Variants in MB21D2 observed in about 807,000 individuals in gnomAD.
The protein encoded by MB21D2 is Mab-21 domain containing 2.
MB21D2 carries 9 observed loss-of-function variants against 33.3 expected under a neutral mutation model. The observed-to-expected ratio is 0.27, with a 90% confidence interval of 0.16 to 0.47. The LOEUF (loss-of-function observed/expected upper bound fraction) is 0.47, where lower values mean the gene tolerates loss of function less well. Among genes scored for constraint, MB21D2 ranks in the 20% least tolerant of loss-of-function variants. MB21D2 has a pLI of 0.99. For missense variants in MB21D2, 540 were observed against 624.6 expected, an observed-to-expected ratio of 0.86 and a Z score of 1.44; for synonymous variants, 241 against 236.3, an observed-to-expected ratio of 1.02 and a Z score of -0.18.
intron 1 of MB21D2, among the ~76,000 whole-genome samples, chr3:192,834,547 T>G (rs1560234610): frequency 6.6e-6 from 1 of 152,088 alleles, no homozygotes; most frequent in Non-Finnish European, 1.5e-5. Flanking sequence ...GGGCCACTCC[T>G]TTTTGTGTCT....
At chr3:192,849,186 C>T (rs1712733711) in intron 1 of MB21D2, among the ~76,000 whole-genome samples, 1 of 152,208 alleles carries the variant, frequency 6.6e-6, no homozygotes, top group Non-Finnish European at 1.5e-5. Context: ...TCCGTGCTCC[C>T]ATGCTCACAC....
intron 1 of MB21D2, among the ~76,000 whole-genome samples, chr3:192,886,945 A>T (rs1173112752): frequency 6.6e-6 from 1 of 152,058 alleles, no homozygotes; most frequent in Non-Finnish European, 1.5e-5. Context: ...ACTGGAAATT[A>T]CAAAGTCTTC....
At chr3:192,899,877 C>T (rs1414369581) in intron 1 of MB21D2, among the ~76,000 whole-genome samples, 1 of 67,362 alleles carries the variant, frequency 1.5e-5, no homozygotes, top group Non-Finnish European at 3.3e-5. Context: ...GATAAATTCA[C>T]TTTAAACACT....
intron 1 of MB21D2, among the ~76,000 whole-genome samples, chr3:192,873,627 C>T (rs1450611623): frequency 6.6e-6 from 1 of 152,186 alleles, no homozygotes; most frequent in Non-Finnish European, 1.5e-5. Context: ...CCCTCCTCTA[C>T]CACTCTTTGA....
chr3:192,809,243 G>A (rs1406695579), intron 1 of MB21D2, among the ~76,000 whole-genome samples: 3 of 152,090 alleles, frequency 2.0e-5, no homozygotes, highest in Admixed American at 6.5e-5. Flanking sequence ...CTACAGGCAC[G>A]CATCACCACA....
At chr3:192,836,404 C>T (rs953293608) in intron 1 of MB21D2, among the ~76,000 whole-genome samples, 3 of 152,232 alleles carry the variant, frequency 2.0e-5, no homozygotes, top group African/African-American at 7.2e-5. Context: ...ATGTTGAAGC[C>T]CTAACTCCCA....
At chr3:192,846,495 AATGTGTTCAC>A (rs1161621478) in intron 1 of MB21D2, among the ~76,000 whole-genome samples, 7 of 152,158 alleles carry the variant, frequency 4.6e-5, no homozygotes, top group Admixed American at 6.6e-5. Context: ...CCCTTGGCTC[AATGTGTTCAC>A]ATGTACATAA....
chr3:192,861,595 T>C (rs1056185832), intron 1 of MB21D2, among the ~76,000 whole-genome samples: 7 of 152,054 alleles, frequency 4.6e-5, no homozygotes, highest in Admixed American at 1.3e-4. Flanking sequence ...TCACCTGAGG[T>C]CGGGAGTTCG....
intron 1 of MB21D2, among the ~76,000 whole-genome samples, chr3:192,825,041 C>T (rs1167678163): frequency 6.6e-6 from 1 of 152,138 alleles, no homozygotes; most frequent in African/African-American, 2.4e-5. Context: ...TCATGTTCTG[C>T]CGTGTACTCT....
At chr3:192,882,088 T>C (rs986912394) in intron 1 of MB21D2, among the ~76,000 whole-genome samples, 1 of 151,946 alleles carries the variant, frequency 6.6e-6, no homozygotes, top group East Asian at 1.9e-4. Flanking sequence ...GTTATGTATG[T>C]CTAATGCCTA....
At chr3:192,871,240 AC>A (rs1247824272) in intron 1 of MB21D2, among the ~76,000 whole-genome samples, 1 of 152,174 alleles carries the variant, frequency 6.6e-6, no homozygotes, top group Non-Finnish European at 1.5e-5. Flanking sequence ...AGTTACACAT[AC>A]TTGCAAACTG....
rs1712234603 is a variant in MB21D2 at position 192,828,597 on chromosome 3, T to C, written c.212-28947A>G. Reference sequence around the variant, plus strand: ...CAATAAAACTCACCCCCCCCATATATATATATATATATATATATATATATA... The same window carrying C: ...CAATAAAACTCACCCCCCCCATATACATATATATATATATATATATATATA... On this transcript the variant is annotated intron_variant, in intron 1 of 1. Transcript: ENST00000392452. 0.019 allele frequency among the ~76,000 whole-genome samples: 34 copies of C among 1,764 alleles called. 9 individuals are homozygous for C. In the East Asian group the frequency reaches 0.21, roughly 11 times the overall value. 1.2% of individuals were successfully genotyped at this position (1,764 alleles called of 152,430 possible). A position where few individuals can be genotyped will look rare whatever the true frequency, so the allele number is the denominator to read the frequency against.
intron 1 of MB21D2, among the ~76,000 whole-genome samples, chr3:192,843,387 C>T (rs894541130): frequency 3.3e-5 from 5 of 152,132 alleles, no homozygotes; most frequent in African/African-American, 1.2e-4. Flanking sequence ...CTTGAGTAAG[C>T]TATGCTTCTC....
chr3:192,906,448 C>T (rs1714216846), intron 1 of MB21D2, among the ~76,000 whole-genome samples: 1 of 152,198 alleles, frequency 6.6e-6, no homozygotes, highest in East Asian at 1.9e-4. Context: ...GCTAAAATTT[C>T]AGCCACCTTG....
At chr3:192,895,032 A>G (rs1180690368) in intron 1 of MB21D2, among the ~76,000 whole-genome samples, 1 of 151,818 alleles carries the variant, frequency 6.6e-6, no homozygotes, top group Admixed American at 6.6e-5. Flanking sequence ...CCCTCTCCAC[A>G]TAACCAGCCA....
chr3:192,812,905 C>T (rs758589913), intron 1 of MB21D2, among the ~76,000 whole-genome samples: 9 of 152,066 alleles, frequency 5.9e-5, no homozygotes, highest in Non-Finnish European at 1.0e-4. Context: ...TAAATGGATT[C>T]CTTACTAAGC....
Position 192,847,537 on chromosome 3 carries a change from C to T in MB21D2, c.212-47887G>A, listed in dbSNP as rs565230331. Among the ~76,000 whole-genome samples the T allele has an allele frequency of 2.6e-5, 4 of 152,196 alleles. No individual in the cohort carries two copies. In the South Asian group the frequency reaches 6.2e-4, roughly 24 times the overall value. ...AAACATGAGGATTAAATGAGATGGCCGGTGACACACAGTAGATGCTTTAAC... is the reference window on the plus strand; with the variant it reads ...AAACATGAGGATTAAATGAGATGGCTGGTGACACACAGTAGATGCTTTAAC... On this transcript the variant is annotated intron_variant, in intron 1 of 1. Transcript: ENST00000392452.
chr3:192,837,526 G>A (rs1292717213), intron 1 of MB21D2, among the ~76,000 whole-genome samples: 1 of 152,160 alleles, frequency 6.6e-6, no homozygotes, highest in Non-Finnish European at 1.5e-5. Flanking sequence ...GAGGCATTAA[G>A]ATGAGCTCCT....
chr3:192,809,492 G>A (rs917275604), intron 1 of MB21D2, among the ~76,000 whole-genome samples: 25 of 152,114 alleles, frequency 1.6e-4, no homozygotes, highest in African/African-American at 5.6e-4. Context: ...AATTCAAGTT[G>A]ATCCTATGCT....
Sources: gnomAD v4.1 joint callset for allele counts (sites outside exome capture counted in the v4.1 genomes callset) on GRCh38, gnomAD v4.1.1 for gene constraint, MANE v1.5 for transcripts, NCBI Gene and HGNC (gene_info 2026-07-23, HGNC 2026-07-21) for gene names.